IL13RA1: variants seen among roughly 807,000 people sequenced by gnomAD.
IL13RA1 encodes interleukin-13 receptor subunit alpha-1.
IL13RA1 carries 14 observed loss-of-function variants against 33.8 expected under a neutral mutation model. The ratio of observed to expected loss-of-function variants is 0.41; its 90% CI spans 0.27 to 0.65. The LOEUF is 0.65. Ranked by LOEUF, IL13RA1 falls within the 30% of genes least tolerant of loss-of-function variation. The probability of loss-of-function intolerance (pLI) is 0.28; values close to 1 mark genes in which losing one functional copy is unlikely to be tolerated. For missense variants in IL13RA1, 313 were observed against 327.0 expected, an observed-to-expected ratio of 0.96 and a Z score of 0.33; for synonymous variants, 116 against 115.7, an observed-to-expected ratio of 1.00 and a Z score of -0.02.
intron 4 of IL13RA1, among the ~76,000 whole-genome samples, chrX:118,751,362 C>T (rs914078235): frequency 4.5e-5 from 5 of 112,109 alleles, no homozygotes; most frequent in African/African-American, 1.6e-4. Context: ...AGACAAAAAA[C>T]ATATCTCTTC....
chrX:118,761,692 A>T (rs1001463153), intron 6 of IL13RA1, among the ~76,000 whole-genome samples: 49 of 112,098 alleles, frequency 4.4e-4, no homozygotes, highest in African/African-American at 1.4e-3. Flanking sequence ...ATTTCAGAGG[A>T]TGAGTGCTGT....
chrX:118,760,086 A>G (rs937877075), intron 5 of IL13RA1, among the ~76,000 whole-genome samples: 1 of 112,323 alleles, frequency 8.9e-6, no homozygotes, highest in African/African-American at 3.2e-5. Flanking sequence ...AATTACCATC[A>G]TAAACATTTT....
At chrX:118,791,639 A>G in intron 10 of IL13RA1, 123 bp from the exon 11 acceptor site, 1 of 321,405 alleles carries the variant, frequency 3.1e-6, no homozygotes. Flanking sequence ...AAAAAAAAAC[A>G]GGAAATCATA....
chrX:118,735,146 T>G (rs977067675), intron 1 of IL13RA1, among the ~76,000 whole-genome samples: 1 of 110,592 alleles, frequency 9.0e-6, no homozygotes, highest in African/African-American at 3.3e-5. Context: ...AATACTCATT[T>G]TCATTTTTGA....
In IL13RA1 at chrX:118,741,120, A is replaced by G. The variant is rs1413836009; in HGVS notation, c.192A>G (p.Leu64=). The change falls in exon 2 of 11, where the codon CTA becomes CTG. Residue 64 remains leucine (L), a synonymous_variant. Transcript: ENST00000371666. The stretch of plus-strand genomic sequence containing the variant: ...AGGGAGCCAGCTCAAATTGTAGTCT[A>G]TGGTATTTTAGTCATTTTGGCGACA... ...PPEGASSNCS[L]WYFSHFGDKQ... is the part of the protein sequence containing the mutation. 1 of 1,162,108 alleles carries G rather than the reference A, an allele frequency of 8.6e-7. No homozygotes were observed. The highest frequency in any genetic ancestry group is 1.2e-6 in the Non-Finnish European group (1 of 850,501).
At chrX:118,749,321 A>G (rs1367994504) in intron 3 of IL13RA1, among the ~76,000 whole-genome samples, 1 of 112,591 alleles carries the variant, frequency 8.9e-6, no homozygotes, top group African/African-American at 3.2e-5. Context: ...TTGTTTGTAT[A>G]TCCACATTCA....
chrX:118,794,953 T>A (rs113523546), downstream of IL13RA1, among the ~76,000 whole-genome samples: 13 of 111,547 alleles, frequency 1.2e-4, no homozygotes, highest in African/African-American at 3.9e-4. Context: ...CTGGACGCAG[T>A]GGCTCACGCC....
In IL13RA1 at chrX:118,776,997, G is replaced by GTA. The variant is rs34840439; in HGVS notation, c.1191+509_1191+510dup. ...TATATATGTGTGTATATGTGTGTGT[G>GTA]TATATATATATATATATATATATAC... On this transcript the variant is annotated intron_variant, in intron 10 of 10. Transcript: ENST00000371666. 2.5e-3 allele frequency among the ~76,000 whole-genome samples: 240 copies of GTA among 97,333 alleles called. 2 individuals carry two copies. The highest frequency in any genetic ancestry group is 7.5e-3 in the African/African-American group (199 of 26,491). The allele number at this position is 97,333 out of a possible 115,157, so 84.5% of individuals were successfully genotyped here.
chrX:118,766,145 A>G (rs1190829012), intron 6 of IL13RA1, among the ~76,000 whole-genome samples: 1 of 111,783 alleles, frequency 8.9e-6, no homozygotes, highest in Non-Finnish European at 1.9e-5. Context: ...AATTCTCTTT[A>G]TGGTTAATAT....
Position 118,773,965 on chromosome X carries a change from T to A in IL13RA1, c.1096T>A (p.Tyr366Asn). 1.0e-6 allele frequency: 1 copy of A among 963,275 alleles called. No homozygotes were observed. 79.4% of individuals were successfully genotyped at this position (963,275 alleles called of 1,213,427 possible). ...AGGTGCAATCATAGTACTCCTGCTT[T>A]ACCTAAAAAGGTAAGGTAGCTGCCC... ...VAGAIIVLLLYLKRLKIIIFP... is the reference protein window; with the variant it reads ...VAGAIIVLLLNLKRLKIIIFP... Residue 366 changes from tyrosine to asparagine, a missense_variant, in exon 9 of 11, where the codon TAC (tyrosine) becomes AAC (asparagine). Coordinates refer to ENST00000371666, the MANE Select transcript of IL13RA1 (RefSeq NM_001560.3).
intron 10 of IL13RA1, among the ~76,000 whole-genome samples, chrX:118,779,488 C>A (rs1603220904): frequency 1.8e-5 from 2 of 111,485 alleles, no homozygotes; most frequent in South Asian, 7.5e-4. Context: ...TAATTTTTAT[C>A]AAAAATGCAT....
rs144624239 is a variant in IL13RA1, at chrX:118,791,960, T to C, written c.*106T>C. 2.2e-3 allele frequency: 905 copies of C among 413,199 alleles called. 4 individuals carry two copies. The highest frequency in any genetic ancestry group is 8.8e-3 in the South Asian group (170 of 19,386). 34.1% of individuals were successfully genotyped at this position (413,199 alleles called of 1,213,427 possible). A position where few individuals can be genotyped will look rare whatever the true frequency, so the allele number is the denominator to read the frequency against. ...AATGGAAACTGAAACTACTGCACCA[T>C]TTAAAAACAGGCAGCTCATAAGAGC... On this transcript the variant is annotated 3_prime_UTR_variant, in exon 11 of 11. Transcript: ENST00000371666.
intron 10 of IL13RA1, among the ~76,000 whole-genome samples, chrX:118,783,411 TAGAC>T (rs1244813699): frequency 1.1e-4 from 12 of 112,006 alleles, no homozygotes; most frequent in South Asian, 7.3e-4. Flanking sequence ...GTTTTAAAAT[TAGAC>T]AGGCATATAA....
chrX:118,762,048 T>C (rs1393817781), intron 6 of IL13RA1, among the ~76,000 whole-genome samples: 2 of 112,487 alleles, frequency 1.8e-5, no homozygotes, highest in Admixed American at 1.9e-4. Context: ...CAGATTTGAG[T>C]AGTCAATATT....
chrX:118,787,279 G>T (rs775905371), intron 10 of IL13RA1, among the ~76,000 whole-genome samples: 4 of 111,437 alleles, frequency 3.6e-5, no homozygotes, highest in Non-Finnish European at 7.5e-5. Context: ...ATGTCAGCAG[G>T]TTCCATGATG....
At chrX:118,786,449 G>T (rs1458974518) in intron 10 of IL13RA1, among the ~76,000 whole-genome samples, 2 of 111,426 alleles carry the variant, frequency 1.8e-5, no homozygotes, top group African/African-American at 6.5e-5. Context: ...TGCCCAGGCT[G>T]GTCTCAAATT....
At chrX:118,770,543 T>C in intron 8 of IL13RA1, 1 of 531,264 alleles carries the variant, frequency 1.9e-6, no homozygotes, top group Non-Finnish European at 3.3e-6. Context: ...GTGGTGTGGA[T>C]GCGCATGGCA....
intron 1 of IL13RA1, 91 bp downstream of exon 1, chrX:118,727,817 G>T (rs1241648323): frequency 1.5e-4 from 57 of 380,196 alleles, no homozygotes; most frequent in Non-Finnish European, 2.0e-4. Context: ...AACGCCGGGC[G>T]GAGGGCCGAA....
intron 1 of IL13RA1, among the ~76,000 whole-genome samples, chrX:118,736,240 T>G (rs1294232271): frequency 9.0e-6 from 1 of 111,722 alleles, no homozygotes; most frequent in Non-Finnish European, 1.9e-5. Flanking sequence ...TTCAGAATCT[T>G]TCTTTAATAT....
Sources: gnomAD v4.1 joint callset for allele counts (sites outside exome capture counted in the v4.1 genomes callset) on GRCh38, gnomAD v4.1.1 for gene constraint, MANE v1.5 for transcripts, NCBI Gene and HGNC (gene_info 2026-07-23, HGNC 2026-07-21) for gene names.